Variants in SLC8A1 observed in about 807,000 individuals in gnomAD.
SLC8A1 encodes sodium/calcium exchanger 1.
In SLC8A1, 18 loss-of-function variants were observed where a neutral mutation model predicts 68.3. The observed-to-expected ratio is 0.26, with a 90% CI of 0.18 to 0.39. The LOEUF is 0.39. Ranked by LOEUF, SLC8A1 falls within the 10% of genes least tolerant of loss-of-function variation. SLC8A1 has a pLI of 1.00. For synonymous variants in SLC8A1, 475 were observed against 415.5 expected (o/e 1.14, Z -1.74); for missense variants, 985 against 1,156.7 (o/e 0.85, Z 2.15).
At chr2:40,274,178 G>T (rs17317187) in intron 2 of SLC8A1, among the ~76,000 whole-genome samples, 1 of 149,428 alleles carries the variant, frequency 6.7e-6, no homozygotes, top group East Asian at 1.9e-4. Context: ...GGGCACTGTT[G>T]CTTTCTAGCT....
At chr2:40,169,741 G>A (rs981988625) in intron 4 of SLC8A1, among the ~76,000 whole-genome samples, 1 of 152,114 alleles carries the variant, frequency 6.6e-6, no homozygotes, top group Non-Finnish European at 1.5e-5. Context: ...AGGAGTTCCA[G>A]ACCAGCCTGG....
chr2:40,131,512 C>A (rs979924681), intron 7 of SLC8A1, among the ~76,000 whole-genome samples: 6 of 152,312 alleles, frequency 3.9e-5, no homozygotes, highest in African/African-American at 1.2e-4. Flanking sequence ...GATGAGTGGG[C>A]ATTTTTGTGT....
chr2:40,304,551 G>C (rs898300986), intron 2 of SLC8A1, among the ~76,000 whole-genome samples: 2 of 152,050 alleles, frequency 1.3e-5, no homozygotes, highest in Admixed American at 1.3e-4. Context: ...TCAGAGCTTT[G>C]GCCTCTCCTG....
intron 2 of SLC8A1, among the ~76,000 whole-genome samples, chr2:40,320,132 TAA>T (rs747779966): frequency 2.6e-5 from 4 of 152,152 alleles, no homozygotes; most frequent in Non-Finnish European, 4.4e-5. Flanking sequence ...TCATATTACC[TAA>T]GTCTCTCACA....
At chr2:40,261,205 T>C (rs1263445019) in intron 2 of SLC8A1, among the ~76,000 whole-genome samples, 1 of 152,104 alleles carries the variant, frequency 6.6e-6, no homozygotes, top group Non-Finnish European at 1.5e-5. Flanking sequence ...TGTGTGGAGA[T>C]CAATTACCCA....
intron 2 of SLC8A1, among the ~76,000 whole-genome samples, chr2:40,346,421 T>C (rs1473996929): frequency 6.6e-6 from 1 of 152,132 alleles, no homozygotes; most frequent in East Asian, 1.9e-4. Flanking sequence ...ACCTCATACT[T>C]AGTGAAATTA....
chr2:40,422,271 A>G (rs2149751831), intron 2 of SLC8A1, among the ~76,000 whole-genome samples: 1 of 152,328 alleles, frequency 6.6e-6, no homozygotes, highest in Middle Eastern at 3.4e-3. Context: ...TACCCCAAAC[A>G]GTAAATCTCC....
At chr2:40,397,571 A>G (rs1434873614) in intron 2 of SLC8A1, among the ~76,000 whole-genome samples, 2 of 152,206 alleles carry the variant, frequency 1.3e-5, no homozygotes, top group Non-Finnish European at 2.9e-5. Flanking sequence ...CTATGTATCC[A>G]CATACATTTG....
chr2:40,455,904 A>G (rs1440393321), upstream of SLC8A1, among the ~76,000 whole-genome samples: 1 of 151,602 alleles, frequency 6.6e-6, no homozygotes, highest in Non-Finnish European at 1.5e-5. Flanking sequence ...CACAGTCACA[A>G]CTCTCCTCCT....
intron 2 of SLC8A1, among the ~76,000 whole-genome samples, chr2:40,212,124 G>A (rs569937313): frequency 4.9e-4 from 74 of 151,994 alleles, no homozygotes; most frequent in Non-Finnish European, 9.9e-4. Flanking sequence ...ATGAAGAGAG[G>A]AAGAGGAGGA....
At chr2:40,156,486 A>G (rs536565912) in intron 6 of SLC8A1, among the ~76,000 whole-genome samples, 7 of 62,490 alleles carry the variant, frequency 1.1e-4, no homozygotes, top group African/African-American at 3.8e-4. Flanking sequence ...AATGCTGGAT[A>G]TTTAACATTA....
chr2:40,302,437 TTG>T (rs60780425), intron 2 of SLC8A1, among the ~76,000 whole-genome samples: 1,492 of 132,544 alleles, frequency 0.011, 20 homozygotes, highest in South Asian at 0.03. Flanking sequence ...TAGTATTCCA[TTG>T]TGTGTGTGTG....
At chr2:40,347,653 T>C (rs1238894506) in intron 2 of SLC8A1, among the ~76,000 whole-genome samples, 1 of 152,232 alleles carries the variant, frequency 6.6e-6, no homozygotes, top group Non-Finnish European at 1.5e-5. Flanking sequence ...TAACATCTAT[T>C]GGCTTTAATC....
intron 2 of SLC8A1, among the ~76,000 whole-genome samples, chr2:40,213,749 C>T (rs1197594398): frequency 2.0e-5 from 3 of 152,188 alleles, no homozygotes; most frequent in African/African-American, 7.2e-5. Flanking sequence ...GCAGCTGGTA[C>T]AACAGAAACT....
At chr2:40,465,825 G>A (rs1365309490) in intron 1 of SLC8A1, among the ~76,000 whole-genome samples, 4 of 152,084 alleles carry the variant, frequency 2.6e-5, no homozygotes, top group Non-Finnish European at 4.4e-5. Flanking sequence ...CAACAGCATT[G>A]GGAGGTGGGG....
At chr2:40,115,307 G>A in exon 8 of SLC8A1, 1 of 1,614,072 alleles carries the variant, frequency 6.2e-7, no homozygotes, top group Non-Finnish European at 8.5e-7. Flanking sequence ...AAATGTACAA[G>A]AGCCATAGGA....
chr2:40,233,460 A>C (rs1288557823), intron 2 of SLC8A1, among the ~76,000 whole-genome samples: 7 of 144,006 alleles, frequency 4.9e-5, no homozygotes, highest in Admixed American at 3.5e-4. Flanking sequence ...TTTTTCTTGT[A>C]AATTTGTTTG....
At chr2:40,355,662 A>T (rs1282773901) in intron 2 of SLC8A1, among the ~76,000 whole-genome samples, 1 of 152,120 alleles carries the variant, frequency 6.6e-6, no homozygotes, top group African/African-American at 2.4e-5. Flanking sequence ...CAGGTCACTA[A>T]GCCAGTCAAA....
At chr2:40,251,106 G>A (rs1054040464) in intron 2 of SLC8A1, 1 of 152,066 alleles carries the variant, frequency 6.6e-6, no homozygotes, top group African/African-American at 2.4e-5. Flanking sequence ...GAAAATACTG[G>A]ATTTCTGCAG....
Sources: gnomAD v4.1 joint callset for allele counts (sites outside exome capture counted in the v4.1 genomes callset) on GRCh38, gnomAD v4.1.1 for gene constraint, MANE v1.5 for transcripts, NCBI Gene and HGNC (gene_info 2026-07-23, HGNC 2026-07-21) for gene names.